The following TRERF1 variants were observed in gnomAD, a reference collection of about 807,000 sequenced individuals.
The protein encoded by TRERF1 is transcriptional-regulating factor 1.
TRERF1 carries 27 observed loss-of-function variants against 122.9 expected under a neutral mutation model. That is an observed-to-expected ratio of 0.22 (90% CI 0.16 to 0.30). The LOEUF is 0.30. Ranked by LOEUF, TRERF1 falls within the 10% of genes least tolerant of loss-of-function variation. The pLI, the probability that TRERF1 is intolerant of heterozygous loss-of-function variation, is 1.00. For synonymous variants in TRERF1, 636 were observed against 641.7 expected (o/e 0.99, Z 0.13); for missense variants, 1,248 against 1,560.3 (o/e 0.80, Z 3.37).
chr6:42,440,010 G>A (rs778982496), intron 2 of TRERF1, among the ~76,000 whole-genome samples: 5 of 152,130 alleles, frequency 3.3e-5, no homozygotes, highest in Non-Finnish European at 7.4e-5. Context: ...TATATGGCAG[G>A]CACTCAATAA....
chr6:42,306,593 T>G (rs978258016), intron 3 of TRERF1, among the ~76,000 whole-genome samples: 1 of 152,180 alleles, frequency 6.6e-6, no homozygotes, highest in Non-Finnish European at 1.5e-5. Flanking sequence ...CCCTCCTTGC[T>G]CACAGCTCCA....
chr6:42,333,938 G>A (rs796679019), intron 3 of TRERF1, among the ~76,000 whole-genome samples: 2 of 151,764 alleles, frequency 1.3e-5, no homozygotes, highest in African/African-American at 2.4e-5. Context: ...TCTTAGACTG[G>A]TAGTCCTAGG....
Position 42,263,555 on chromosome 6 carries a change from T to G in TRERF1, c.1649A>C (p.Lys550Thr), listed in dbSNP as rs766715744. The change falls in exon 8 of 18, where the codon AAG becomes ACG. Residue 550 changes from lysine to threonine, a missense_variant. By Grantham distance (78) the Lys-to-Thr change is moderately conservative (BLOSUM62 -1). Around this residue, in one of 5 missense-constraint regions of TRERF1, gnomAD observed 946 missense variants for 1,073.0 expected, o/e 0.88. Transcript: ENST00000372922. This position sits in a 1 kb window ranked among gnomAD's most constrained non-coding sequence, Gnocchi z 5.6. The stretch of plus-strand genomic sequence containing the variant: ...TGGCTGGGGCTGAGGCGGCAGGACC[T>G]TCTCTCCTTCCTCCTACACAGACAA... 6.5e-7 allele frequency: 1 copy of G among 1,538,728 alleles called. No homozygotes were observed. Among genetic ancestry groups the G allele is most frequent in the Non-Finnish European group, 8.8e-7 (1 of 1,142,208 alleles).
chr6:42,309,821 C>G (rs1787925231), intron 3 of TRERF1, among the ~76,000 whole-genome samples: 1 of 152,168 alleles, frequency 6.6e-6, no homozygotes, highest in Admixed American at 6.5e-5. Flanking sequence ...GGGTCTCACT[C>G]TGTCACCCAG....
rs1053049346 is a variant in TRERF1 at position 42,257,025 on chromosome 6, T to G, written c.2414A>C (p.His805Pro). The change falls in exon 11 of 18, where the codon CAC becomes CCC. Residue 805 changes from histidine to proline, a missense_variant. By Grantham distance (77) the His-to-Pro change is moderately conservative (BLOSUM62 -2). Coordinates refer to ENST00000372922, the Ensembl canonical transcript of TRERF1. ...GGGCTTCCATACCAGTGTGGCCTTG[T>G]GTGTGTCCTGGGCCAGGGCAGAGAT... The G allele has an allele frequency of 3.1e-6, 5 of 1,614,106 alleles. No individual in the cohort carries two copies. The highest frequency in any genetic ancestry group is 8.5e-7 in the Non-Finnish European group (1 of 1,180,052).
chr6:42,240,512 T>C (rs1177647474), intron 15 of TRERF1, among the ~76,000 whole-genome samples: 1 of 152,260 alleles, frequency 6.6e-6, no homozygotes, highest in African/African-American at 2.4e-5. Flanking sequence ...ATCTTTGTGC[T>C]TCCTTGTTTA....
intron 4 of TRERF1, among the ~76,000 whole-genome samples, chr6:42,295,533 G>C (rs1048852793): frequency 1.3e-5 from 2 of 152,142 alleles, no homozygotes; most frequent in Non-Finnish European, 2.9e-5. Flanking sequence ...CTACACCCAG[G>C]ATGCATGAGG....
At chr6:42,398,086 G>A (rs943792319) in intron 2 of TRERF1, among the ~76,000 whole-genome samples, 1 of 152,198 alleles carries the variant, frequency 6.6e-6, no homozygotes, top group African/African-American at 2.4e-5. Context: ...TAAGTCAGTA[G>A]GATGGGAAGG....
At chr6:42,315,654 C>A (rs964453931) in intron 3 of TRERF1, among the ~76,000 whole-genome samples, 2 of 151,942 alleles carry the variant, frequency 1.3e-5, no homozygotes, top group African/African-American at 4.8e-5. Context: ...CAGCTGATAT[C>A]CTTCAAGAGA....
chr6:42,373,614 C>T (rs1227781384), intron 2 of TRERF1, among the ~76,000 whole-genome samples: 1 of 152,036 alleles, frequency 6.6e-6, no homozygotes, highest in African/African-American at 2.4e-5. Flanking sequence ...TTGCAGTGAG[C>T]CGAGATGGCG....
rs10530333 is a variant in TRERF1, at chr6:42,311,765, CAAAAAA to C, written c.-370-11022_-370-11017del. 5.2e-4 allele frequency among the ~76,000 whole-genome samples: 18 copies of C among 34,594 alleles called. No homozygotes were observed. The Admixed American group carries it at 5.3e-3, about 10-fold the overall frequency. The allele number at this position is 34,594 out of a possible 152,430, so 22.7% of individuals were successfully genotyped here. On this transcript the variant is annotated intron_variant, in intron 3 of 17. Transcript: ENST00000372922. The stretch of plus-strand genomic sequence containing the variant: ...TGGGCAACTGAGCAAGACTCCGTCT[CAAAAAA>C]AAAAAAAAAAAAAAAAAAAGAGATC...
chr6:42,332,241 C>T (rs1011214166), intron 3 of TRERF1, among the ~76,000 whole-genome samples: 4 of 152,244 alleles, frequency 2.6e-5, no homozygotes, highest in African/African-American at 7.2e-5. Context: ...CCGCGCCCAG[C>T]GGGGAAACAT....
intron 3 of TRERF1, among the ~76,000 whole-genome samples, chr6:42,328,593 C>T (rs945322707): frequency 2.6e-4 from 40 of 152,186 alleles, no homozygotes; most frequent in Admixed American, 4.6e-4. Context: ...TGAGAACATG[C>T]GGTATTTGGT....
intron 4 of TRERF1, among the ~76,000 whole-genome samples, chr6:42,272,821 C>T (rs1780471937): frequency 6.6e-6 from 1 of 152,204 alleles, no homozygotes; most frequent in Non-Finnish European, 1.5e-5. Flanking sequence ...TTGATAGCCT[C>T]ATCCACCACC....
At chr6:42,415,525 C>G (rs1367208942) in intron 2 of TRERF1, among the ~76,000 whole-genome samples, 1 of 152,086 alleles carries the variant, frequency 6.6e-6, no homozygotes, top group Non-Finnish European at 1.5e-5. Context: ...AACCATTTGA[C>G]CTATGTTTGA....
intron 2 of TRERF1, among the ~76,000 whole-genome samples, chr6:42,448,130 C>T (rs140558378): frequency 6.6e-6 from 1 of 152,092 alleles, no homozygotes; most frequent in Non-Finnish European, 1.5e-5. Flanking sequence ...TTATTATGAA[C>T]CTTATCACAA....
At chr6:42,292,755 T>C (rs1008353729) in intron 4 of TRERF1, among the ~76,000 whole-genome samples, 4 of 152,202 alleles carry the variant, frequency 2.6e-5, no homozygotes, top group Non-Finnish European at 5.9e-5. Flanking sequence ...AATTATTTAG[T>C]GGCAATCTAA....
At chr6:42,398,477 T>C (rs1778939461) in intron 2 of TRERF1, among the ~76,000 whole-genome samples, 1 of 152,176 alleles carries the variant, frequency 6.6e-6, no homozygotes, top group East Asian at 1.9e-4. Flanking sequence ...TCCAATGCCA[T>C]CTTTGCATCT....
At chr6:42,242,746 A>T (rs760093235) in intron 15 of TRERF1, among the ~76,000 whole-genome samples, 3 of 152,260 alleles carry the variant, frequency 2.0e-5, no homozygotes, top group Admixed American at 6.5e-5. Flanking sequence ...ATCTACATGC[A>T]GCGAATTAGT....
Sources: allele counts gnomAD v4.1 joint callset (sites outside exome capture counted in the v4.1 genomes callset), GRCh38; gene constraint gnomAD v4.1.1; regional missense constraint gnomAD v4.1.1; non-coding constraint Gnocchi (gnomAD v3.1); transcripts MANE v1.5; gene names NCBI Gene and HGNC (gene_info 2026-07-23, HGNC 2026-07-21).